The following DLGAP4 variants were observed in gnomAD, a reference collection of about 807,000 sequenced individuals.
The protein encoded by DLGAP4 is DLG associated protein 4.
DLGAP4 carries 18 observed loss-of-function variants against 86.9 expected under a neutral mutation model. The ratio of observed to expected loss-of-function variants is 0.21; its 90% CI spans 0.14 to 0.31. The LOEUF is 0.31. DLGAP4 is among the 10% of genes least tolerant of loss of function. The pLI is 1.00. For synonymous variants in DLGAP4, 548 were observed against 574.3 expected, an observed-to-expected ratio of 0.95 and a Z score of 0.65; for missense variants, 1,085 against 1,362.6, an observed-to-expected ratio of 0.80 and a Z score of 3.21.
At chr20:36,485,763 G>C (rs2035383658) in intron 7 of DLGAP4, among the ~76,000 whole-genome samples, 2 of 152,184 alleles carry the variant, frequency 1.3e-5, no homozygotes, top group African/African-American at 4.8e-5. Flanking sequence ...ACCTGGCCCA[G>C]GCCTCCGTAA....
At chr20:36,346,781 T>A (rs2029955280) in intron 1 of DLGAP4, among the ~76,000 whole-genome samples, 1 of 152,136 alleles carries the variant, frequency 6.6e-6, no homozygotes, top group African/African-American at 2.4e-5. Flanking sequence ...TCCCATCACC[T>A]CTCTCCTCTT....
At chr20:36,402,037 C>T (rs2032177997) in intron 2 of DLGAP4, among the ~76,000 whole-genome samples, 1 of 152,102 alleles carries the variant, frequency 6.6e-6, no homozygotes, top group South Asian at 2.1e-4. Flanking sequence ...GGTGTCAGTT[C>T]ATGCTACATC....
rs6023264 is a variant in DLGAP4, at chr20:36,500,068, G to A, written c.2100-131G>A. 9.0e-7 allele frequency: 1 copy of A among 1,115,672 alleles called. No individual in the cohort carries two copies. The highest frequency in any genetic ancestry group is 1.3e-6 in the Non-Finnish European group (1 of 796,444). 69.1% of individuals were successfully genotyped at this position (1,115,672 alleles called of 1,614,324 possible). On this transcript the variant is annotated intron_variant, in intron 9 of 12. Coordinates refer to ENST00000339266, the MANE Select transcript of DLGAP4 (RefSeq NM_001365621.2). This position sits in a 1 kb window ranked among gnomAD's most constrained non-coding sequence, Gnocchi z 4.6. The stretch of plus-strand genomic sequence containing the variant: ...GATGGGGGCTGTGGGACCCGCTTCA[G>A]GCGCATGGTGAGCAGATGATGCATC...
chr20:36,312,390 C>CAT (rs1260118566), intron 1 of DLGAP4, among the ~76,000 whole-genome samples: 11,195 of 151,934 alleles, frequency 0.074, 879 homozygotes, highest in African/African-American at 0.2. Context: ...CACACACACA[C>CAT]ACACACACAC....
At chr20:36,448,246 A>G (rs1263433673) in intron 7 of DLGAP4, among the ~76,000 whole-genome samples, 1 of 152,152 alleles carries the variant, frequency 6.6e-6, no homozygotes, top group Non-Finnish European at 1.5e-5. Context: ...GCTACTCAGG[A>G]GGCTGAAGCA....
At chr20:36,376,288 G>A (rs2031150936) in intron 2 of DLGAP4, among the ~76,000 whole-genome samples, 2 of 152,030 alleles carry the variant, frequency 1.3e-5, no homozygotes, top group African/African-American at 2.4e-5. Flanking sequence ...TGGCCAACAC[G>A]GCGAAACCCC....
chr20:36,336,615 G>A (rs782258287), intron 1 of DLGAP4, among the ~76,000 whole-genome samples: 23 of 152,206 alleles, frequency 1.5e-4, no homozygotes, highest in Admixed American at 3.9e-4. Flanking sequence ...GTTTGTGGAT[G>A]AGTGACTCTC....
At chr20:36,525,606 A>C (rs1267895272) in intron 11 of DLGAP4, 1 of 575,962 alleles carries the variant, frequency 1.7e-6, no homozygotes, top group Admixed American at 3.0e-5. Flanking sequence ...ATACACATAC[A>C]TTAGGGACAG....
At chr20:36,464,571 C>T (rs997758672) in intron 7 of DLGAP4, among the ~76,000 whole-genome samples, 3 of 151,780 alleles carry the variant, frequency 2.0e-5, no homozygotes, top group Non-Finnish European at 4.4e-5. Flanking sequence ...CCCTGTCGAC[C>T]GGGCGCGCTG....
intron 3 of DLGAP4, among the ~76,000 whole-genome samples, chr20:36,433,278 G>A (rs955068955): frequency 1.3e-5 from 2 of 152,206 alleles, no homozygotes; most frequent in African/African-American, 2.4e-5. Flanking sequence ...TGTCAGTGTC[G>A]GCAGAGTGTG....
intron 10 of DLGAP4, among the ~76,000 whole-genome samples, chr20:36,506,079 G>A (rs1401985864): frequency 6.6e-6 from 1 of 152,098 alleles, no homozygotes; most frequent in Non-Finnish European, 1.5e-5. Flanking sequence ...TTAAAACTTA[G>A]TGTATATTTT....
intron 2 of DLGAP4, among the ~76,000 whole-genome samples, chr20:36,430,691 A>G (rs1294350387): frequency 2.0e-5 from 3 of 149,120 alleles, no homozygotes; most frequent in Admixed American, 1.3e-4. Flanking sequence ...ATGGTGGCTC[A>G]TGCCTGTAAT....
rs139862699 is a variant in DLGAP4 at position 36,487,682 on chromosome 20, A to G, written c.1649-9023A>G. On this transcript the variant is annotated intron_variant, in intron 7 of 12. Transcript: ENST00000339266. ...ATTTCCTTGCCACTAAGCGACTCTCACCACCCATCTAGACGCAGGCAACCT... is the reference window on the plus strand; with the variant it reads ...ATTTCCTTGCCACTAAGCGACTCTCGCCACCCATCTAGACGCAGGCAACCT... 5.1e-3 allele frequency among the ~76,000 whole-genome samples: 770 copies of G among 152,202 alleles called. 11 individuals are homozygous for G. The highest frequency in any genetic ancestry group is 0.016 in the African/African-American group (674 of 41,534).
intron 7 of DLGAP4, chr20:36,462,711 T>C (rs921653278): frequency 5.0e-6 from 7 of 1,389,346 alleles, no homozygotes; most frequent in Non-Finnish European, 6.7e-6. Context: ...AAGGGGGCTC[T>C]GAGGCCTCCC....
intron 8 of DLGAP4, chr20:36,497,854 C>T (rs779049486): frequency 3.1e-4 from 50 of 162,302 alleles, no homozygotes; most frequent in Non-Finnish European, 2.8e-4. Context: ...TGGGCCCTGC[C>T]TTGTAGTTTT....
chr20:36,351,329 G>A (rs1013507748), intron 1 of DLGAP4, among the ~76,000 whole-genome samples: 1 of 152,230 alleles, frequency 6.6e-6, no homozygotes, highest in South Asian at 2.1e-4. Flanking sequence ...GGGCTGCACA[G>A]CAGGAAGTGA....
At chr20:36,493,337 C>T (rs1410213587) in intron 7 of DLGAP4, among the ~76,000 whole-genome samples, 1 of 152,146 alleles carries the variant, frequency 6.6e-6, no homozygotes, top group African/African-American at 2.4e-5. Flanking sequence ...GGGGATCTTC[C>T]CTGCAGTCAC....
chr20:36,404,809 C>T (rs2032267323), intron 2 of DLGAP4, among the ~76,000 whole-genome samples: 2 of 152,248 alleles, frequency 1.3e-5, no homozygotes, highest in South Asian at 4.1e-4. Flanking sequence ...AATGAGTAAG[C>T]TGCCATTGCA....
intron 2 of DLGAP4, among the ~76,000 whole-genome samples, chr20:36,392,840 C>T (rs2031827651): frequency 6.6e-6 from 1 of 152,166 alleles, no homozygotes; most frequent in Admixed American, 6.5e-5. Context: ...AATAAACGAA[C>T]AGATGCTGTG....
Sources: allele counts gnomAD v4.1 joint callset (sites outside exome capture counted in the v4.1 genomes callset), GRCh38; gene constraint gnomAD v4.1.1; non-coding constraint Gnocchi (gnomAD v3.1); transcripts MANE v1.5; gene names NCBI Gene and HGNC (gene_info 2026-07-23, HGNC 2026-07-21).